Variants in HTT observed in about 807,000 individuals in gnomAD.
The protein encoded by HTT is huntingtin, also known as huntington disease protein.
Under a neutral mutation model 362.3 loss-of-function variants are expected in HTT, and 104 were observed. The observed-to-expected ratio is 0.29, with a 90% CI of 0.24 to 0.34. The LOEUF is 0.34. Ranked by LOEUF, HTT falls within the 10% of genes least tolerant of loss-of-function variation. HTT has a pLI of 1.00. For synonymous variants in HTT, 1,577 were observed against 1,548.7 expected (o/e 1.02, Z -0.43); for missense variants, 3,301 against 3,928.6 (o/e 0.84, Z 4.27).
chr4:3,085,546 T>A (rs558678544), intron 1 of HTT, among the ~76,000 whole-genome samples: 17 of 152,232 alleles, frequency 1.1e-4, no homozygotes, highest in Non-Finnish European at 2.1e-4. Context: ...CAAGGTGGTT[T>A]CTTTTTCACT....
chr4:3,075,888 T>C (rs1165489737), intron 1 of HTT, among the ~76,000 whole-genome samples: 1 of 152,188 alleles, frequency 6.6e-6, no homozygotes, highest in Non-Finnish European at 1.5e-5. Context: ...ACTTACGTGG[T>C]GATTAATGAA....
chr4:3,188,799 A>G, intron 39 of HTT, 152 bp from the exon 40 acceptor site: 1 of 675,428 alleles, frequency 1.5e-6, no homozygotes, highest in Non-Finnish European at 2.5e-6. Context: ...GACTGTGTCC[A>G]CGGCGACGGC....
chr4:3,230,079 G>C, intron 60 of HTT, 37 bp downstream of exon 60: 2 of 1,582,294 alleles, frequency 1.3e-6, no homozygotes, highest in African/African-American at 2.7e-5. Flanking sequence ...CTGTGCTGAA[G>C]CCACGGGGGC....
rs534087040 is a variant in HTT, at chr4:3,241,856, G to A, written c.*1797G>A. 9.8e-5 allele frequency: 15 copies of A among 152,366 alleles called. No individual in the cohort carries two copies. The highest frequency in any genetic ancestry group is 2.4e-4 in the African/African-American group (10 of 41,582). The allele number at this position is 152,366 out of a possible 1,614,324, so 9.4% of individuals were successfully genotyped here. ...CCCCAGCCAGGACCACCTCGTCCTC[G>A]TGGCGGGGCAGCAGGAGCGGTAGAA... On this transcript the variant is annotated 3_prime_UTR_variant, in exon 67 of 67. Transcript: ENST00000355072.
At chr4:3,157,689 C>A (rs1024169235) in intron 28 of HTT, among the ~76,000 whole-genome samples, 1 of 152,074 alleles carries the variant, frequency 6.6e-6, no homozygotes, top group Non-Finnish European at 1.5e-5. Context: ...TTTATGTCAG[C>A]GTAAGAAACT....
Position 3,116,240 on chromosome 4 carries a change from CCTT to C in HTT, c.1048_1050del (p.Ser350del). ...GACAAGGAAAGAAATGGAAGTCTCT[CCTT>C]CTGCAGAGCAGCTTGTCCAGGTAGG... On this transcript the variant is annotated inframe_deletion, in exon 8 of 67. Transcript: ENST00000355072. The C allele has an allele frequency of 6.2e-7, 1 of 1,612,308 alleles. No individual in the cohort carries two copies. Among genetic ancestry groups the C allele is most frequent in the Non-Finnish European group, 8.5e-7 (1 of 1,178,442 alleles).
At chr4:3,151,323 T>G (rs1716877225) in intron 26 of HTT, among the ~76,000 whole-genome samples, 1 of 150,936 alleles carries the variant, frequency 6.6e-6, no homozygotes, top group African/African-American at 2.4e-5. Context: ...AGGCACATCT[T>G]CACATGGCCC....
chr4:3,115,961 T>G lies in HTT; in HGVS notation c.890-124T>G, dbSNP rs1157747048. On this transcript the variant is annotated intron_variant, in intron 7 of 66. Coordinates refer to ENST00000355072, the MANE Select transcript of HTT (RefSeq NM_001388492.1). Reference sequence around the variant, plus strand: ...GCCATTCCCAGTGGGCCTCATGGCGTACTCGTTCATGATCATGTTTGTGCC... The same window carrying G: ...GCCATTCCCAGTGGGCCTCATGGCGGACTCGTTCATGATCATGTTTGTGCC... The G allele has an allele frequency of 3.1e-5, 27 of 876,504 alleles. No homozygotes were observed. In the South Asian group the frequency reaches 3.8e-4, roughly 12 times the overall value. 54.3% of individuals were successfully genotyped at this position (876,504 alleles called of 1,614,324 possible).
chr4:3,127,425 A>C lies in HTT; in HGVS notation c.1564A>C (p.Thr522Pro), dbSNP rs766273928. Residue 522 changes from threonine (T) to proline (P), a missense_variant, in exon 12 of 67, where the codon ACT becomes CCT. This residue lies in a region of HTT where 2,316 missense variants were observed against 2,658.5 expected (regional missense o/e 0.87). Coordinates refer to ENST00000355072, the MANE Select transcript of HTT (RefSeq NM_001388492.1). ...CAGCTGTGACTTGACAAGCTCTGCC[A>C]CTGATGGGGATGAGGAGGATATCTT... is the stretch of plus-strand genomic sequence containing the variant. The part of the protein sequence containing the change: ...LASCDLTSSA[T>P]DGDEEDILSH... 6.2e-7 allele frequency: 1 copy of C among 1,614,046 alleles called. No individual in the cohort carries two copies. Among genetic ancestry groups the C allele is most frequent in the East Asian group, 2.2e-5 (1 of 44,886 alleles).
Position 3,127,386 on chromosome 4 carries a change from T to G in HTT, c.1525T>G (p.Ser509Ala). The G allele has an allele frequency of 6.2e-7, 1 of 1,614,124 alleles. No homozygotes were observed. Among genetic ancestry groups the G allele is most frequent in the East Asian group, 2.2e-5 (1 of 44,866 alleles). The change falls in exon 12 of 67, where the codon TCA (serine) becomes GCA (alanine). Residue 509 changes from serine (S) to alanine (A), a missense_variant. This residue lies in a region of HTT where 2,316 missense variants were observed against 2,658.5 expected (regional missense o/e 0.87). Transcript: ENST00000355072. ...PRSQHTLQAD[S>A]VDLASCDLTS... Reference sequence around the variant, plus strand: ...GTCACAGCACACACTGCAGGCGGACTCAGTGGATCTGGCCAGCTGTGACTT... The same window carrying G: ...GTCACAGCACACACTGCAGGCGGACGCAGTGGATCTGGCCAGCTGTGACTT...
rs1279371370 is a variant in HTT at position 3,074,795 on chromosome 4, CG to C, written c.-27del. On this transcript the variant is annotated 5_prime_UTR_variant, in exon 1 of 67. Coordinates refer to ENST00000355072, the MANE Select transcript of HTT (RefSeq NM_001388492.1). ...GCGCCGCGAGTCGGCCCGAGGCCTC[CG>C]GGGACTGCCGTGCCGGGCGGGAGAC... is the stretch of plus-strand genomic sequence containing the variant. 4 of 1,508,860 alleles carry C rather than the reference CG, an allele frequency of 2.7e-6. No homozygotes were observed. In the African/African-American group the frequency reaches 5.7e-5, roughly 22 times the overall value. The allele number at this position is 1,508,860 out of a possible 1,614,324, so 93.5% of individuals were successfully genotyped here.
chr4:3,130,343 T>C lies in HTT; in HGVS notation c.1906T>C (p.Cys636Arg). 1.9e-6 allele frequency: 3 copies of C among 1,607,066 alleles called. No individual in the cohort carries two copies. The highest frequency in any genetic ancestry group is 2.6e-6 in the Non-Finnish European group (3 of 1,175,426). ...QAHLLKNMSH[C>R]RQPSDSSVDK... ...ACATTTATTGAAAAACATGAGTCAC[T>C]GCAGGCAGCCTTCTGACAGCAGTGT... is the stretch of plus-strand genomic sequence containing the variant. The change falls in exon 14 of 67, where the codon TGC becomes CGC. Residue 636 changes from cysteine to arginine, a missense_variant. Physicochemically the swap from Cys to Arg is radical, Grantham distance 180 (BLOSUM62 -3). Around this residue, in one of 4 missense-constraint regions of HTT, gnomAD observed 2,316 missense variants for 2,658.5 expected, o/e 0.87. Transcript: ENST00000355072.
chr4:3,176,097 G>A (rs535558563), intron 33 of HTT, among the ~76,000 whole-genome samples: 3 of 149,998 alleles, frequency 2.0e-5, no homozygotes, highest in South Asian at 2.1e-4. Flanking sequence ...GTGCGATCTC[G>A]GCTCACTGCC....
chr4:3,085,629 A>G (rs1713167468), intron 1 of HTT, among the ~76,000 whole-genome samples: 1 of 152,204 alleles, frequency 6.6e-6, no homozygotes, highest in South Asian at 2.1e-4. Flanking sequence ...ACTAAATTCC[A>G]TGGGGGAAGG....
rs151196506 is a variant in HTT, at chr4:3,150,638, C to T, written c.3498+2431C>T. Reference sequence around the variant, plus strand: ...TTTCCACTCACCAAGTCTTTTGTTTCCCCTACTAAATATTTTGCGAGAAGA... The same window carrying T: ...TTTCCACTCACCAAGTCTTTTGTTTTCCCTACTAAATATTTTGCGAGAAGA... On this transcript the variant is annotated intron_variant, in intron 26 of 66. Transcript: ENST00000355072. Among the ~76,000 whole-genome samples, 182 of 152,314 alleles carry T rather than the reference C, an allele frequency of 1.2e-3. 1 individual carries two copies. Among genetic ancestry groups the T allele is most frequent in the Admixed American group, 2.5e-3 (38 of 15,298 alleles).
At chr4:3,171,506 T>G (rs1412613900) in intron 29 of HTT, among the ~76,000 whole-genome samples, 2 of 151,260 alleles carry the variant, frequency 1.3e-5, no homozygotes, top group Non-Finnish European at 2.9e-5. Flanking sequence ...ACTTTCGCTC[T>G]TGTTGCCCAG....
rs765073592 is a variant in HTT, at chr4:3,121,281, C to T, written c.1122C>T (p.Thr374=). The part of the protein sequence containing the change: ...HTQHQDHNVV[T]GALELLQQLF... The stretch of plus-strand genomic sequence containing the variant: ...AGCACCAAGACCACAATGTTGTGAC[C>T]GGAGCCCTGGAGCTGTTGCAGCAGC... Residue 374 remains threonine, a synonymous_variant, in exon 9 of 67, where the codon ACC becomes ACT. Coordinates refer to ENST00000355072, the MANE Select transcript of HTT (RefSeq NM_001388492.1). 6.9e-5 allele frequency: 112 copies of T among 1,614,018 alleles called. No homozygotes were observed. The highest frequency in any genetic ancestry group is 9.0e-5 in the Non-Finnish European group (106 of 1,180,004).
At chr4:3,220,337 C>T (rs1226351428) in intron 53 of HTT, 29 bp downstream of exon 53, 3 of 1,599,686 alleles carry the variant, frequency 1.9e-6, no homozygotes, top group African/African-American at 2.7e-5. Context: ...CTTCAGGTCA[C>T]CATTGTCGGA....
intron 26 of HTT, among the ~76,000 whole-genome samples, chr4:3,153,185 G>A (rs1372264776): frequency 1.3e-5 from 2 of 152,050 alleles, no homozygotes; most frequent in Admixed American, 6.5e-5. Flanking sequence ...AGGGGGTGAG[G>A]AAGCTCTGTG....
Sources: gnomAD v4.1 joint callset for allele counts (sites outside exome capture counted in the v4.1 genomes callset) on GRCh38, gnomAD v4.1.1 for gene constraint, gnomAD v4.1.1 regional missense constraint, MANE v1.5 for transcripts, NCBI Gene and HGNC (gene_info 2026-07-23, HGNC 2026-07-21) for gene names.